Variants in MPHOSPH8 observed in about 807,000 individuals in gnomAD.
MPHOSPH8 encodes M-phase phosphoprotein, mpp.
A neutral mutation model predicts 87.3 loss-of-function variants in MPHOSPH8; 45 were observed. That is an observed-to-expected ratio of 0.52 (90% CI 0.41 to 0.66). The LOEUF (loss-of-function observed/expected upper bound fraction) is 0.66, where lower values mean the gene tolerates loss of function less well. Ranked by LOEUF, MPHOSPH8 falls within the 30% of genes least tolerant of loss-of-function variation. MPHOSPH8 has a pLI of 0.00. For missense variants in MPHOSPH8, 883 were observed against 1,020.2 expected (o/e 0.87, Z 1.83); for synonymous variants, 366 against 376.9 (o/e 0.97, Z 0.33).
chr13:19,670,820 C>CTTTTT, intron 12 of MPHOSPH8: 3 of 964,900 alleles, frequency 3.1e-6, no homozygotes, highest in Admixed American at 4.2e-5. Flanking sequence ...AAATAAATCA[C>CTTTTT]TTTTTTTTTT....
At chr13:19,664,286 G>A (rs1875701888) in intron 9 of MPHOSPH8, among the ~76,000 whole-genome samples, 1 of 152,144 alleles carries the variant, frequency 6.6e-6, no homozygotes, top group Non-Finnish European at 1.5e-5. Flanking sequence ...CCCTTCATTT[G>A]TTTCTGTGGT....
intron 1 of MPHOSPH8, among the ~76,000 whole-genome samples, chr13:19,634,646 C>T (rs1487985275): frequency 6.6e-6 from 1 of 151,856 alleles, no homozygotes; most frequent in East Asian, 1.9e-4. Context: ...CTTTTTTTGA[C>T]CCTAACCTCT....
intron 5 of MPHOSPH8, among the ~76,000 whole-genome samples, chr13:19,657,866 G>T (rs1368511081): frequency 6.6e-6 from 1 of 152,120 alleles, no homozygotes. Flanking sequence ...CTTCATGGGG[G>T]ACTCAGACAC....
At chr13:19,671,016 T>G in intron 12 of MPHOSPH8, 190 bp from the exon 13 acceptor site, 1 of 1,314,226 alleles carries the variant, frequency 7.6e-7, no homozygotes, top group East Asian at 2.7e-5. Flanking sequence ...AGATGGGGTT[T>G]CACCATGTTG....
At chr13:19,638,721 A>C (rs1167053790) in intron 1 of MPHOSPH8, among the ~76,000 whole-genome samples, 1 of 152,130 alleles carries the variant, frequency 6.6e-6, no homozygotes, top group Non-Finnish European at 1.5e-5. Context: ...GAATGATTGA[A>C]GGGCAGTGTG....
chr13:19,649,739 CA>C (rs1874744245), intron 4 of MPHOSPH8, among the ~76,000 whole-genome samples: 1 of 152,192 alleles, frequency 6.6e-6, no homozygotes. Flanking sequence ...GCCTTTGTCA[CA>C]ACTGCAGGTG....
At chr13:19,649,912 CTTGTTGCTTTAACACTA>C (rs1874751487) in intron 4 of MPHOSPH8, 74 bp from the exon 5 acceptor site, 1 of 1,115,646 alleles carries the variant, frequency 9.0e-7, no homozygotes. Flanking sequence ...AAGAAAATAT[CTTGTTGCTTTAACACTA>C]AGTTAGATTT....
At chr13:19,669,329 G>A (rs924829545) in intron 11 of MPHOSPH8, among the ~76,000 whole-genome samples, 3 of 151,522 alleles carry the variant, frequency 2.0e-5, no homozygotes, top group African/African-American at 4.9e-5. Context: ...TTACAGGCGT[G>A]AGCCACCGTG....
At chr13:19,643,937 C>T (rs1260592556) in intron 2 of MPHOSPH8, among the ~76,000 whole-genome samples, 1 of 152,156 alleles carries the variant, frequency 6.6e-6, no homozygotes, top group African/African-American at 2.4e-5. Flanking sequence ...AACAGTATTG[C>T]ATGTCCTCAT....
At chr13:19,651,955 C>A (rs60453636) in intron 5 of MPHOSPH8, among the ~76,000 whole-genome samples, 16,204 of 151,328 alleles carry the variant, frequency 0.11, 1,057 homozygotes, top group African/African-American at 0.18. Context: ...AAAAAAAATT[C>A]GCTGGGCATG....
intron 1 of MPHOSPH8, among the ~76,000 whole-genome samples, chr13:19,639,319 T>C (rs1874166259): frequency 6.6e-6 from 1 of 151,562 alleles, no homozygotes; most frequent in Non-Finnish European, 1.5e-5. Flanking sequence ...GTCTTTTTTT[T>C]TTTTCTTTTG....
At position 19,672,762 on chromosome 13, in the gene MPHOSPH8, A is replaced by G. The variant is rs1041154856; in HGVS notation, c.*887A>G. On this transcript the variant is annotated 3_prime_UTR_variant, in exon 14 of 14. Transcript: ENST00000361479. ...TAACAAGAGAATCTAAGATGTAGTA[A>G]GAATGTAAACCAGTACACTATGAGA... The G allele has an allele frequency of 1.1e-5, 2 of 176,276 alleles. No individual in the cohort carries two copies. Among genetic ancestry groups the G allele is most frequent in the Non-Finnish European group, 2.4e-5 (2 of 81,742 alleles). 10.9% of individuals were successfully genotyped at this position (176,276 alleles called of 1,614,324 possible). A position where few individuals can be genotyped will look rare whatever the true frequency, so the allele number is the denominator to read the frequency against.
intron 5 of MPHOSPH8, among the ~76,000 whole-genome samples, chr13:19,656,973 T>C (rs1875215656): frequency 6.8e-6 from 1 of 148,106 alleles, no homozygotes; most frequent in Admixed American, 6.8e-5. Flanking sequence ...AATACAAAAA[T>C]TAGCCAGTTG....
chr13:19,635,640 C>G (rs148151982), intron 1 of MPHOSPH8, among the ~76,000 whole-genome samples: 2 of 152,244 alleles, frequency 1.3e-5, no homozygotes, highest in East Asian at 1.9e-4. Flanking sequence ...CACTGTATAC[C>G]TAAAGCCTCA....
chr13:19,634,750 CCTG>C (rs1306503525), intron 1 of MPHOSPH8, among the ~76,000 whole-genome samples: 17 of 152,186 alleles, frequency 1.1e-4, no homozygotes, highest in African/African-American at 3.9e-4. Flanking sequence ...GTTTGTCTCT[CCTG>C]CTATATGTGG....
At chr13:19,648,544 T>G in intron 4 of MPHOSPH8, 23 bp downstream of exon 4, 1 of 1,287,872 alleles carries the variant, frequency 7.8e-7, no homozygotes, top group African/African-American at 1.5e-5. Context: ...ATTAACGTTT[T>G]GCCATTTACG....
At chr13:19,650,444 A>C (rs1466398851) in intron 5 of MPHOSPH8, 184 bp downstream of exon 5, 1 of 596,140 alleles carries the variant, frequency 1.7e-6, no homozygotes. Flanking sequence ...TCAATGGATC[A>C]AACAATTTTT....
At position 19,661,598 on chromosome 13, in the gene MPHOSPH8, A is replaced by G. The variant is rs145561637; in HGVS notation, c.1792-100A>G. On this transcript the variant is annotated intron_variant, in intron 7 of 13. Coordinates refer to ENST00000361479, the MANE Select transcript of MPHOSPH8 (RefSeq NM_017520.4). ...TAAGTAGATGCCTAAATCAGTGCCTATTAGTGATTTCACATTGAAACATCT... is the reference window on the plus strand; with the variant it reads ...TAAGTAGATGCCTAAATCAGTGCCTGTTAGTGATTTCACATTGAAACATCT... 1.9e-5 allele frequency: 25 copies of G among 1,283,152 alleles called. No homozygotes were observed. The East Asian group carries it at 4.3e-4, about 22-fold the overall frequency. The allele number at this position is 1,283,152 out of a possible 1,614,324, so 79.5% of individuals were successfully genotyped here. A position where few individuals can be genotyped will look rare whatever the true frequency, so the allele number is the denominator to read the frequency against.
intron 5 of MPHOSPH8, among the ~76,000 whole-genome samples, chr13:19,651,300 G>A (rs1874833881): frequency 6.6e-6 from 1 of 152,186 alleles, no homozygotes; most frequent in Non-Finnish European, 1.5e-5. Flanking sequence ...GTTGAGGCAG[G>A]TGGATTGCCT....
Sources: gnomAD v4.1 joint callset for allele counts (sites outside exome capture counted in the v4.1 genomes callset) on GRCh38, gnomAD v4.1.1 for gene constraint, MANE v1.5 for transcripts, NCBI Gene and HGNC (gene_info 2026-07-23, HGNC 2026-07-21) for gene names.